PSMD12: variants seen among roughly 807,000 people sequenced by gnomAD.
The protein encoded by PSMD12 is 26S proteasome non-ATPase regulatory subunit 12.
Under a neutral mutation model 62.9 loss-of-function variants are expected in PSMD12, and 8 were observed. That is an observed-to-expected ratio of 0.13 (90% CI 0.07 to 0.23). The LOEUF is 0.23. PSMD12 is among the 10% of genes least tolerant of loss of function. PSMD12 has a pLI of 1.00. For missense variants in PSMD12, 424 were observed against 550.2 expected (o/e 0.77, Z 2.29); for synonymous variants, 173 against 187.4 (o/e 0.92, Z 0.63).
intron 5 of PSMD12, among the ~76,000 whole-genome samples, chr17:67,347,923 CT>C (rs1738314416): frequency 6.6e-6 from 1 of 152,114 alleles, no homozygotes; most frequent in South Asian, 2.1e-4. Flanking sequence ...GTATAATGGC[CT>C]AAATTGTAAG....
chr17:67,356,854 T>TA (rs951584778), intron 3 of PSMD12, among the ~76,000 whole-genome samples: 3 of 151,520 alleles, frequency 2.0e-5, no homozygotes, highest in Non-Finnish European at 2.9e-5. Context: ...CTACAAAAAA[T>TA]AAAAAAATTG....
chr17:67,347,740 A>T (rs948439409), intron 5 of PSMD12, among the ~76,000 whole-genome samples: 10 of 152,216 alleles, frequency 6.6e-5, no homozygotes, highest in African/African-American at 2.4e-4. Context: ...CATCACAATG[A>T]AGACACAGAA....
chr17:67,364,956 G>A (rs2042165378), intron 1 of PSMD12, among the ~76,000 whole-genome samples: 1 of 152,088 alleles, frequency 6.6e-6, no homozygotes, highest in Non-Finnish European at 1.5e-5. Context: ...GGCAGAGGTG[G>A]GTGGATCACT....
chr17:67,353,531 T>C (rs2042038510), intron 3 of PSMD12, among the ~76,000 whole-genome samples: 1 of 152,136 alleles, frequency 6.6e-6, no homozygotes, highest in Non-Finnish European at 1.5e-5. Context: ...GGTCTTAAAC[T>C]CCTGAGCTCA....
Position 67,361,798 on chromosome 17 carries a change from G to A in PSMD12, c.109-4220C>T, listed in dbSNP as rs2042130286. Among the ~76,000 whole-genome samples, 3 of 143,952 alleles carry A rather than the reference G, an allele frequency of 2.1e-5. No homozygotes were observed. In the South Asian group the frequency reaches 6.7e-4, roughly 32 times the overall value. The allele number at this position is 143,952 out of a possible 152,430, so 94.4% of individuals were successfully genotyped here. On this transcript the variant is annotated intron_variant, in intron 1 of 10. Coordinates refer to ENST00000356126, the MANE Select transcript of PSMD12 (RefSeq NM_002816.5). ...GAAAAGACATTAAGCCAGGTACAGT[G>A]TTGTGCACTACCAGCTACTCAGAAA...
intron 1 of PSMD12, among the ~76,000 whole-genome samples, chr17:67,359,904 C>T (rs2042113885): frequency 6.6e-6 from 1 of 152,184 alleles, no homozygotes; most frequent in South Asian, 2.1e-4. Flanking sequence ...ATGAAAGAAT[C>T]TTAGAACTAG....
chr17:67,341,108 A>C, intron 10 of PSMD12, 56 bp from the exon 11 acceptor site: 1 of 1,342,876 alleles, frequency 7.4e-7, no homozygotes. Context: ...GACAATAAAC[A>C]AAACTTCAGA....
rs1422925980 is a variant in PSMD12, at chr17:67,342,200, C to A, written c.1147G>T (p.Asp383Tyr). Residue 383 changes from aspartate to tyrosine, a missense_variant, in exon 10 of 11, where the codon GAT (aspartate) becomes TAT (tyrosine). Coordinates refer to ENST00000356126, the MANE Select transcript of PSMD12 (RefSeq NM_002816.5). ...TTACTACTTACATCAACAGATAGATCCAGAAGCTGTGCCATCCTTTTCATT... is the reference window on the plus strand; with the variant it reads ...TTACTACTTACATCAACAGATAGATACAGAAGCTGTGCCATCCTTTTCATT... ...ITMKRMAQLL[D>Y]LSVDESEAFL... 6.3e-7 allele frequency: 1 copy of A among 1,578,576 alleles called. No individual in the cohort carries two copies.
At chr17:67,341,075 G>A in intron 10 of PSMD12, 23 bp from the exon 11 acceptor site, 1 of 1,493,634 alleles carries the variant, frequency 6.7e-7, no homozygotes, top group Non-Finnish European at 9.0e-7. Flanking sequence ...AAGATAAATT[G>A]GATTAAGACA....
At position 67,347,200 on chromosome 17, in the gene PSMD12, C is replaced by T. The variant is rs1174926857; in HGVS notation, c.711G>A (p.Glu237=). 2.5e-6 allele frequency: 4 copies of T among 1,613,584 alleles called. No individual in the cohort carries two copies. The highest frequency in any genetic ancestry group is 3.4e-6 in the Non-Finnish European group (4 of 1,179,662). The change falls in exon 7 of 11, where the codon GAG becomes GAA. Residue 237 remains glutamate, a synonymous_variant. Coordinates refer to ENST00000356126, the MANE Select transcript of PSMD12 (RefSeq NM_002816.5). ...YNLMIQLDQH[E]GSYLSICKHY... ...GCTTACAAATAGACAAATAGGATCC[C>T]TCATGTTGATCCAGCTGAATCATTA...
At chr17:67,347,603 T>C (rs1470892856) in intron 5 of PSMD12, 118 bp from the exon 6 acceptor site, 9 of 1,007,902 alleles carry the variant, frequency 8.9e-6, no homozygotes, top group Middle Eastern at 2.4e-4. Flanking sequence ...TTCATGTATA[T>C]AGGGAGAGTG....
intron 9 of PSMD12, among the ~76,000 whole-genome samples, chr17:67,343,100 T>C (rs2041930843): frequency 6.6e-6 from 1 of 152,130 alleles, no homozygotes; most frequent in Admixed American, 6.6e-5. Flanking sequence ...TTATTGGTAG[T>C]ATTATTAACA....
At chr17:67,363,323 A>T (rs1390808529) in intron 1 of PSMD12, among the ~76,000 whole-genome samples, 2 of 152,080 alleles carry the variant, frequency 1.3e-5, no homozygotes, top group African/African-American at 2.4e-5. Context: ...GGCTAATTTT[A>T]AAAATTTTTT....
At position 67,357,270 on chromosome 17, in the gene PSMD12, TTG is replaced by T. The variant is rs766086502; in HGVS notation, c.297+31_297+32del. ...GAAAAGTTCTGAAATACAAATGCTT[TTG>T]TGTTTGGAGCAGACATGATCATGAA... On this transcript the variant is annotated intron_variant, in intron 3 of 10. Coordinates refer to ENST00000356126, the MANE Select transcript of PSMD12 (RefSeq NM_002816.5). The T allele has an allele frequency of 1.3e-5, 20 of 1,582,322 alleles. No homozygotes were observed. In the African/African-American group the frequency reaches 2.5e-4, roughly 19 times the overall value.
chr17:67,356,177 TTG>T (rs1207109054), intron 3 of PSMD12, among the ~76,000 whole-genome samples: 2 of 152,098 alleles, frequency 1.3e-5, no homozygotes, highest in Non-Finnish European at 2.9e-5. Flanking sequence ...GGTTAAGGAC[TTG>T]TCAAGAAGAG....
intron 9 of PSMD12, among the ~76,000 whole-genome samples, chr17:67,343,064 GAC>G (rs1485416925): frequency 2.6e-5 from 4 of 151,800 alleles, no homozygotes; most frequent in African/African-American, 7.3e-5. Flanking sequence ...CTGAAGTTAA[GAC>G]ACAGAGACTC....
At position 67,357,502 on chromosome 17, in the gene PSMD12, C is replaced by T. The variant is rs757940175; in HGVS notation, c.168+17G>A. On this transcript the variant is annotated intron_variant, in intron 2 of 10. Transcript: ENST00000356126. ...TGAAATTAATGGTAACTGAGCTTTC[C>T]CCTGTAAACTACTCACAGTACGAGT... The T allele has an allele frequency of 6.2e-7, 1 of 1,613,072 alleles. No individual in the cohort carries two copies. Among genetic ancestry groups the T allele is most frequent in the Non-Finnish European group, 8.5e-7 (1 of 1,179,206 alleles).
chr17:67,357,715 T>C (rs1021876586), intron 1 of PSMD12, 137 bp from the exon 2 acceptor site: 4 of 819,102 alleles, frequency 4.9e-6, no homozygotes, highest in African/African-American at 3.5e-5. Context: ...ATAACTAGTT[T>C]TGTTTCTCTC....
Position 67,352,691 on chromosome 17 carries a change from C to T in PSMD12, c.298-2355G>A, listed in dbSNP as rs2042029409. Reference sequence around the variant, plus strand: ...TGGTGTGAAAATATTAAATGGAAAACTCCATGTATAAACAATCTATAAGCT... The same window carrying T: ...TGGTGTGAAAATATTAAATGGAAAATTCCATGTATAAACAATCTATAAGCT... On this transcript the variant is annotated intron_variant, in intron 3 of 10. Coordinates refer to ENST00000356126, the MANE Select transcript of PSMD12 (RefSeq NM_002816.5). Among the ~76,000 whole-genome samples, 3 of 152,204 alleles carry T rather than the reference C, an allele frequency of 2.0e-5. No homozygotes were observed. The South Asian group carries it at 6.2e-4, about 32-fold the overall frequency.
Sources: allele counts gnomAD v4.1 joint callset (sites outside exome capture counted in the v4.1 genomes callset), GRCh38; gene constraint gnomAD v4.1.1; transcripts MANE v1.5; gene names NCBI Gene and HGNC (gene_info 2026-07-23, HGNC 2026-07-21).